The following MYT1L variants were observed in gnomAD, a reference collection of about 807,000 sequenced individuals.
MYT1L encodes myelin transcription factor 1-like protein.
Under a neutral mutation model 126.7 loss-of-function variants are expected in MYT1L, and 12 were observed. That is an observed-to-expected ratio of 0.09 (90% CI 0.06 to 0.15). MYT1L has a LOEUF of 0.15. MYT1L is among the 10% of genes least tolerant of loss of function. The probability of loss-of-function intolerance (pLI) is 1.00; values close to 1 mark genes in which losing one functional copy is unlikely to be tolerated. For missense variants in MYT1L, 979 were observed against 1,585.2 expected (o/e 0.62, Z 6.49); for synonymous variants, 541 against 604.2 (o/e 0.90, Z 1.53).
At chr2:1,797,323 A>G (rs535527857) in intron 23 of MYT1L, among the ~76,000 whole-genome samples, 19 of 152,098 alleles carry the variant, frequency 1.2e-4, no homozygotes, top group Non-Finnish European at 2.6e-4. Context: ...TCCTGGGTTC[A>G]CGCCATTCTC....
chr2:2,138,444 C>A (rs1217081901), intron 3 of MYT1L, among the ~76,000 whole-genome samples: 11 of 141,248 alleles, frequency 7.8e-5, no homozygotes, highest in Admixed American at 5.7e-4. Flanking sequence ...GGAACCAACC[C>A]AAATGTCCAA....
At chr2:2,054,347 T>C (rs1188323953) in intron 3 of MYT1L, among the ~76,000 whole-genome samples, 1 of 149,282 alleles carries the variant, frequency 6.7e-6, no homozygotes, top group Non-Finnish European at 1.5e-5. Flanking sequence ...ATGAGATGCA[T>C]GGACATGAAA....
At chr2:2,176,908 TATAG>T (rs1289888739) in intron 2 of MYT1L, among the ~76,000 whole-genome samples, 1 of 152,236 alleles carries the variant, frequency 6.6e-6, no homozygotes, top group African/African-American at 2.4e-5. Flanking sequence ...TGGAAGTATG[TATAG>T]ATAAAGACAT....
chr2:2,197,654 GTA>G (rs1176077371), intron 2 of MYT1L, among the ~76,000 whole-genome samples: 1 of 151,024 alleles, frequency 6.6e-6, no homozygotes, highest in Non-Finnish European at 1.5e-5. Flanking sequence ...CAACGAATGT[GTA>G]GAGATGTATA....
intron 21 of MYT1L, among the ~76,000 whole-genome samples, chr2:1,831,100 C>T (rs2040101985): frequency 6.6e-6 from 1 of 152,188 alleles, no homozygotes; most frequent in Non-Finnish European, 1.5e-5. Context: ...TGAAGGTGTC[C>T]CAGACACCAC....
In MYT1L at chr2:1,979,568, G is replaced by C. The variant is rs931336448; in HGVS notation, c.56-14C>G. On this transcript the variant is annotated splice_polypyrimidine_tract_variant and intron_variant, in intron 6 of 24. Coordinates refer to ENST00000647738, the MANE Select transcript of MYT1L (RefSeq NM_001303052.2). This position sits in a 1 kb window ranked among gnomAD's most constrained non-coding sequence, Gnocchi z 4.0. ...GTTCCACGGGAACTGCAGAGAGATG[G>C]AAATAGATAAAAATTTACCATCTAT... 11 of 1,612,960 alleles carry C rather than the reference G, an allele frequency of 6.8e-6. No individual in the cohort carries two copies. Among genetic ancestry groups the C allele is most frequent in the Non-Finnish European group, 9.3e-6 (11 of 1,178,986 alleles).
At chr2:2,247,807 T>G (rs1463604348) in intron 2 of MYT1L, among the ~76,000 whole-genome samples, 1 of 152,094 alleles carries the variant, frequency 6.6e-6, no homozygotes, top group Non-Finnish European at 1.5e-5. Flanking sequence ...GTAAAGAAAT[T>G]CAGAAGAAAA....
chr2:2,163,594 C>T (rs1365605363), intron 3 of MYT1L, among the ~76,000 whole-genome samples: 5 of 151,088 alleles, frequency 3.3e-5, no homozygotes, highest in South Asian at 2.1e-4. Flanking sequence ...TAGCGGGGTG[C>T]GGTGGCGGGC....
chr2:2,060,664 T>TCCCTCCCCTC (rs532978653), intron 3 of MYT1L, among the ~76,000 whole-genome samples: 1 of 135,098 alleles, frequency 7.4e-6, no homozygotes, highest in Non-Finnish European at 1.6e-5. Flanking sequence ...TCTCCCTGTC[T>TCCCTCCCCTC]CCCTCCCCTC....
At chr2:1,825,955 C>T (rs2039265097) in intron 21 of MYT1L, 1 of 152,296 alleles carries the variant, frequency 6.6e-6, no homozygotes, top group Non-Finnish European at 1.5e-5. Flanking sequence ...AGCCCAGCTG[C>T]CAAGCAGTGA....
intron 10 of MYT1L, among the ~76,000 whole-genome samples, chr2:1,919,468 G>C (rs1341808868): frequency 6.6e-6 from 1 of 152,146 alleles, no homozygotes; most frequent in Non-Finnish European, 1.5e-5. Flanking sequence ...GTTAGAGCAG[G>C]CAATTGGGTA....
At chr2:1,949,629 T>G (rs2057560129) in intron 8 of MYT1L, among the ~76,000 whole-genome samples, 2 of 152,230 alleles carry the variant, frequency 1.3e-5, no homozygotes, top group African/African-American at 4.8e-5. Context: ...GAATGTTTTG[T>G]TTATCCAATT....
At position 2,289,181 on chromosome 2, in the gene MYT1L, A is replaced by C. The variant is rs190463086; in HGVS notation, c.-520-4678T>G. ...GATGCCTGTCCCTTAACCCTGAGAA[A>C]ATCCCAGTAGGTGGCCCTGTCTGGC... On this transcript the variant is annotated intron_variant, in intron 1 of 24. Coordinates refer to ENST00000647738, the MANE Select transcript of MYT1L (RefSeq NM_001303052.2). 1.9e-3 allele frequency among the ~76,000 whole-genome samples: 294 copies of C among 152,332 alleles called. 1 individual carries two copies. Among genetic ancestry groups the C allele is most frequent in the African/African-American group, 6.7e-3 (277 of 41,568 alleles).
intron 3 of MYT1L, among the ~76,000 whole-genome samples, chr2:2,095,003 G>A (rs540554416): frequency 6.6e-5 from 10 of 152,320 alleles, no homozygotes; most frequent in South Asian, 2.1e-4. Context: ...CAAGCGAGCC[G>A]TGTCTCCAAG....
In MYT1L at chr2:1,929,602, A is replaced by T. The variant is rs546465641; in HGVS notation, c.506-6339T>A. On this transcript the variant is annotated intron_variant, in intron 9 of 24. Transcript: ENST00000647738. The surrounding 1 kb of genome is among the most constrained non-coding windows in gnomAD (Gnocchi z 4.7). ...GAAATTTTCAGAATAGTCTGTCCAT[A>T]TGCACAGTTCAGTGATTTCTGAGTT... is the stretch of plus-strand genomic sequence containing the variant. Among the ~76,000 whole-genome samples, 5 of 152,310 alleles carry T rather than the reference A, an allele frequency of 3.3e-5. No individual in the cohort carries two copies. In the South Asian group the frequency reaches 1.0e-3, roughly 32 times the overall value.
chr2:1,952,873 C>A (rs962367569), intron 8 of MYT1L, among the ~76,000 whole-genome samples: 2 of 72,396 alleles, frequency 2.8e-5, no homozygotes, highest in African/African-American at 1.5e-4. Context: ...TCTTTCCCTT[C>A]CCTCCTTCCT....
At position 1,956,084 on chromosome 2, in the gene MYT1L, C is replaced by T. The variant is rs1207485623; in HGVS notation, c.153-12750G>A. Among the ~76,000 whole-genome samples the T allele has an allele frequency of 2.6e-5, 4 of 152,182 alleles. No individual in the cohort carries two copies. In the East Asian group the frequency reaches 7.7e-4, roughly 29 times the overall value. ...ATCTATCTACCTATCATCTATCTAT[C>T]CATCTTTGTATCTACCTACCTATGA... is the stretch of plus-strand genomic sequence containing the variant. On this transcript the variant is annotated intron_variant, in intron 8 of 24. Transcript: ENST00000647738.
At chr2:2,282,758 G>A (rs544475713) in intron 2 of MYT1L, among the ~76,000 whole-genome samples, 4 of 152,286 alleles carry the variant, frequency 2.6e-5, no homozygotes, top group South Asian at 2.1e-4. Flanking sequence ...ATGAGGTAAC[G>A]GAATAAAATA....
intron 4 of MYT1L, among the ~76,000 whole-genome samples, chr2:2,019,335 C>T (rs2064786278): frequency 6.6e-6 from 1 of 152,184 alleles, no homozygotes; most frequent in African/African-American, 2.4e-5. Context: ...ACTTATTCCT[C>T]CTTGCCTTCT....
Sources: allele counts gnomAD v4.1 joint callset (sites outside exome capture counted in the v4.1 genomes callset), GRCh38; gene constraint gnomAD v4.1.1; non-coding constraint Gnocchi (gnomAD v3.1); transcripts MANE v1.5; gene names NCBI Gene and HGNC (gene_info 2026-07-23, HGNC 2026-07-21).